RELL1: variants seen among roughly 807,000 people sequenced by gnomAD.
RELL1 encodes RELT like 1.
A neutral mutation model predicts 23.0 loss-of-function variants in RELL1; 10 were observed. That is an observed-to-expected ratio of 0.43 (90% CI 0.27 to 0.74). The LOEUF (loss-of-function observed/expected upper bound fraction) is 0.74, where lower values mean the gene tolerates loss of function less well. Ranked by LOEUF, RELL1 falls within the 30% of genes least tolerant of loss-of-function variation. The pLI is 0.19. For missense variants in RELL1, 315 were observed against 364.4 expected (o/e 0.86, Z 1.10); for synonymous variants, 146 against 146.8 (o/e 0.99, Z 0.04).
At position 37,611,180 on chromosome 4, in the gene RELL1, C is replaced by A. The variant is rs1373186937; in HGVS notation, c.*2166G>T. Among the ~76,000 whole-genome samples, 1 of 152,086 alleles carries A rather than the reference C, an allele frequency of 6.6e-6. No individual in the cohort carries two copies. Among genetic ancestry groups the A allele is most frequent in the Non-Finnish European group, 1.5e-5 (1 of 68,018 alleles). On this transcript the variant is annotated 3_prime_UTR_variant, in exon 7 of 7. Transcript: ENST00000454158. The stretch of plus-strand genomic sequence containing the variant: ...GAATATCTTACATTTTATCCCCCAC[C>A]ATTTTGAGGGCATATTTTTAAAGCA...
chr4:37,635,131 G>C lies in RELL1; in HGVS notation c.444-8C>G. ...GTGCTGGGGGTCACGGGGCTAATGT[G>C]GGGAGGAAAACAAAAAGAGCAACTG... On this transcript the variant is annotated splice_polypyrimidine_tract_variant and splice_region_variant and intron_variant, in intron 4 of 6. Transcript: ENST00000454158. 6.2e-7 allele frequency: 1 copy of C among 1,610,602 alleles called. No individual in the cohort carries two copies.
chr4:37,631,187 T>C (rs569939650), intron 6 of RELL1, among the ~76,000 whole-genome samples, 198 bp downstream of exon 6: 1 of 152,254 alleles, frequency 6.6e-6, no homozygotes, highest in African/African-American at 2.4e-5. Flanking sequence ...AGGCACTAAG[T>C]TTGTGACTTC....
At chr4:37,596,045 G>A (rs12510608) in intron 6 of RELL1, among the ~76,000 whole-genome samples, 47,916 of 152,100 alleles carry the variant, frequency 0.32, 9,535 homozygotes, top group Non-Finnish European at 0.44. Flanking sequence ...GCAGCCATGC[G>A]TCATGACCTC....
chr4:37,605,803 G>GAAAGAAAGA (rs1363339108), downstream of RELL1, among the ~76,000 whole-genome samples: 1 of 92,092 alleles, frequency 1.1e-5, no homozygotes, highest in African/African-American at 3.7e-5. Context: ...GAGAAAGAAA[G>GAAAGAAAGA]AAAGAAAGAA....
intron 3 of RELL1, among the ~76,000 whole-genome samples, chr4:37,641,106 T>C (rs1434751467): frequency 6.6e-6 from 1 of 152,266 alleles, no homozygotes; most frequent in African/African-American, 2.4e-5. Flanking sequence ...GCTTGCTTTT[T>C]GTAGATGTGT....
intron 6 of RELL1, among the ~76,000 whole-genome samples, chr4:37,614,975 A>G (rs1228312544): frequency 6.6e-6 from 1 of 152,178 alleles, no homozygotes; most frequent in Non-Finnish European, 1.5e-5. Flanking sequence ...ATACAGGCTA[A>G]GCTAAAAAGG....
At chr4:37,652,908 A>G (rs1382696681) in intron 1 of RELL1, among the ~76,000 whole-genome samples, 6 of 152,182 alleles carry the variant, frequency 3.9e-5, no homozygotes, top group Non-Finnish European at 7.3e-5. Flanking sequence ...AATAACAGAC[A>G]TGTTATTGGC....
chr4:37,651,130 A>C (rs1720922387), intron 1 of RELL1, among the ~76,000 whole-genome samples: 1 of 152,182 alleles, frequency 6.6e-6, no homozygotes, highest in Non-Finnish European at 1.5e-5. Context: ...TTCCTGTCAC[A>C]CAGTAAGCAC....
chr4:37,605,867 AG>A, downstream of RELL1, among the ~76,000 whole-genome samples: 1 of 147,928 alleles, frequency 6.8e-6, no homozygotes, highest in East Asian at 2.0e-4. Flanking sequence ...GAAAAGAAAG[AG>A]AAAGGAAAGA....
chr4:37,597,817 G>A (rs1577553671), intron 6 of RELL1, among the ~76,000 whole-genome samples: 1 of 151,996 alleles, frequency 6.6e-6, no homozygotes, highest in South Asian at 2.1e-4. Flanking sequence ...TTGGGAGGCC[G>A]AGGCAGGCGG....
chr4:37,656,072 T>C (rs1297262294), intron 1 of RELL1, among the ~76,000 whole-genome samples: 1 of 152,192 alleles, frequency 6.6e-6, no homozygotes. Context: ...GTCTGCAGCA[T>C]TAGTTACAAC....
Position 37,634,572 on chromosome 4 carries a change from C to T in RELL1, c.680+315G>A, listed in dbSNP as rs1053698790. Among the ~76,000 whole-genome samples, 18 of 152,236 alleles carry T rather than the reference C, an allele frequency of 1.2e-4. 1 individual carries two copies. The highest frequency in any genetic ancestry group is 2.5e-4 in the Non-Finnish European group (17 of 68,044). On this transcript the variant is annotated intron_variant, in intron 5 of 6. Coordinates refer to ENST00000454158, the MANE Select transcript of RELL1 (RefSeq NM_001085400.2). ...CTTGAAGAGCCACCCATTGATATCT[C>T]AATACCTGCCCTGGATTCCATAAGT...
chr4:37,670,844 T>A (rs1721810367), intron 1 of RELL1, among the ~76,000 whole-genome samples: 1 of 152,198 alleles, frequency 6.6e-6, no homozygotes, highest in Admixed American at 6.5e-5. Context: ...AGTGCTGGGA[T>A]AATAGGCATG....
intron 6 of RELL1, among the ~76,000 whole-genome samples, chr4:37,614,652 A>C (rs1719514523): frequency 6.6e-6 from 1 of 151,912 alleles, no homozygotes. Flanking sequence ...GGCCAGAGGT[A>C]GAGACATATA....
At chr4:37,653,391 CTCAATAT>C (rs775503832) in intron 1 of RELL1, among the ~76,000 whole-genome samples, 139 of 103,504 alleles carry the variant, frequency 1.3e-3, no homozygotes, top group Non-Finnish European at 2.8e-3. Flanking sequence ...GTATTGAAAC[CTCAATAT>C]TCAATACAAG....
At chr4:37,679,689 G>A (rs1046027435) in intron 1 of RELL1, among the ~76,000 whole-genome samples, 1 of 152,102 alleles carries the variant, frequency 6.6e-6, no homozygotes, top group African/African-American at 2.4e-5. Flanking sequence ...GTGTGGTGGT[G>A]CATCCCTATA....
downstream of RELL1, among the ~76,000 whole-genome samples, chr4:37,610,350 C>T (rs1308628214): frequency 2.0e-5 from 3 of 151,958 alleles, no homozygotes; most frequent in African/African-American, 7.3e-5. This position sits in a 1 kb window ranked among gnomAD's most constrained non-coding sequence, Gnocchi z 4.1. Flanking sequence ...TTTTTATATG[C>T]AGTGGGAAAC....
chr4:37,631,443 A>G lies in RELL1; in HGVS notation c.761T>C (p.Val254Ala), dbSNP rs761493076. 6.2e-6 allele frequency: 10 copies of G among 1,613,978 alleles called. No individual in the cohort carries two copies. Among genetic ancestry groups the G allele is most frequent in the South Asian group, 5.5e-5 (5 of 91,046 alleles). The change falls in exon 6 of 7, where the codon GTC becomes GCC. Residue 254 changes from valine to alanine, a missense_variant. Val to Ala is a moderately conservative substitution (Grantham distance 64). Coordinates refer to ENST00000454158, the MANE Select transcript of RELL1 (RefSeq NM_001085400.2). Reference sequence around the variant, plus strand: ...AGGTGTTGCCGGCACCTCCCCATTGACGGTTTCAGCCCCACTAACAGACAT... The same window carrying G: ...AGGTGTTGCCGGCACCTCCCCATTGGCGGTTTCAGCCCCACTAACAGACAT... ...SLMSVSGAET[V>A]NGEVPATPVK...
At chr4:37,590,593 G>C (rs1560315580), downstream of RELL1, 1 of 1,614,152 alleles carries the variant, frequency 6.2e-7, no homozygotes, top group East Asian at 2.2e-5. Context: ...ACAAGACCAT[G>C]TCTTCCAGAT....
Sources: allele counts gnomAD v4.1 joint callset (sites outside exome capture counted in the v4.1 genomes callset), GRCh38; gene constraint gnomAD v4.1.1; non-coding constraint Gnocchi (gnomAD v3.1); transcripts MANE v1.5; gene names NCBI Gene and HGNC (gene_info 2026-07-23, HGNC 2026-07-21).